VAT1L: variants seen among roughly 807,000 people sequenced by gnomAD.
The protein encoded by VAT1L is putative NADPH-dependent quinone oxidoreductase VAT1L.
A neutral mutation model predicts 44.1 loss-of-function variants in VAT1L; 34 were observed. The ratio of observed to expected loss-of-function variants is 0.77; its 90% CI spans 0.59 to 1.03. The LOEUF (loss-of-function observed/expected upper bound fraction) is 1.03. Ranked by LOEUF, VAT1L falls within the 50% of genes least tolerant of loss-of-function variation. The probability of loss-of-function intolerance (pLI) is 0.00; values close to 1 mark genes in which losing one functional copy is unlikely to be tolerated. For synonymous variants in VAT1L, 253 were observed against 202.2 expected (o/e 1.25, Z -2.13); for missense variants, 615 against 538.8 (o/e 1.14, Z -1.40).
intron 3 of VAT1L, among the ~76,000 whole-genome samples, chr16:77,828,216 C>G (rs983581846): frequency 6.6e-6 from 1 of 152,192 alleles, no homozygotes; most frequent in Non-Finnish European, 1.5e-5. Flanking sequence ...CATCACACTC[C>G]CCTGCAGGGA....
At chr16:77,883,318 A>G (rs1182855166) in intron 6 of VAT1L, among the ~76,000 whole-genome samples, 1 of 152,172 alleles carries the variant, frequency 6.6e-6, no homozygotes, top group Non-Finnish European at 1.5e-5. Flanking sequence ...AAGCAATTAA[A>G]TCATAACAAA....
At chr16:77,819,724 C>G (rs189509490) in intron 2 of VAT1L, among the ~76,000 whole-genome samples, 22 of 152,318 alleles carry the variant, frequency 1.4e-4, no homozygotes, top group Admixed American at 1.0e-3. Context: ...GTCTTCACCC[C>G]TTCCGGGGAT....
At chr16:77,918,847 C>G (rs1198761284) in intron 7 of VAT1L, among the ~76,000 whole-genome samples, 1 of 152,124 alleles carries the variant, frequency 6.6e-6, no homozygotes, top group Non-Finnish European at 1.5e-5. Flanking sequence ...AGCAGAACAC[C>G]CAGCCTAAGA....
chr16:77,963,186 C>CA (rs2018182278), intron 7 of VAT1L, among the ~76,000 whole-genome samples: 1 of 152,194 alleles, frequency 6.6e-6, no homozygotes, highest in African/African-American at 2.4e-5. Context: ...CCCACATCCT[C>CA]ATCCCCAGAA....
At chr16:77,910,144 C>T (rs926648661) in intron 7 of VAT1L, among the ~76,000 whole-genome samples, 2 of 152,214 alleles carry the variant, frequency 1.3e-5, no homozygotes, top group Non-Finnish European at 2.9e-5. Context: ...TGAAGTCCTA[C>T]TTGATTCCCT....
intron 2 of VAT1L, among the ~76,000 whole-genome samples, chr16:77,823,016 G>A (rs916234288): frequency 6.6e-6 from 1 of 152,076 alleles, no homozygotes; most frequent in African/African-American, 2.4e-5. Context: ...TCTGAATGGT[G>A]CCAAGATCAG....
At chr16:77,836,820 T>C (rs1032304951) in intron 3 of VAT1L, among the ~76,000 whole-genome samples, 2 of 152,242 alleles carry the variant, frequency 1.3e-5, no homozygotes, top group Non-Finnish European at 2.9e-5. Flanking sequence ...AACTTTATTA[T>C]AAATATCGTA....
chr16:77,869,402 T>A (rs1392803336), intron 4 of VAT1L, among the ~76,000 whole-genome samples: 1 of 152,172 alleles, frequency 6.6e-6, no homozygotes, highest in African/African-American at 2.4e-5. Context: ...AGGCTGGATG[T>A]GGTAGTTCAC....
At chr16:77,845,633 ATCATCCCCTTCCCCAG>A (rs2016751058) in intron 3 of VAT1L, among the ~76,000 whole-genome samples, 3 of 151,864 alleles carry the variant, frequency 2.0e-5, no homozygotes, top group Non-Finnish European at 4.4e-5. Context: ...ACCTCTCCTC[ATCATCCCCTTCCCCAG>A]TCGCTTTCTC....
chr16:77,947,205 G>A (rs370325539), intron 7 of VAT1L, among the ~76,000 whole-genome samples: 1 of 152,176 alleles, frequency 6.6e-6, no homozygotes, highest in African/African-American at 2.4e-5. Flanking sequence ...AACATAAGGA[G>A]GATTCCAGCG....
intron 7 of VAT1L, among the ~76,000 whole-genome samples, chr16:77,963,592 T>C (rs1175284465): frequency 6.6e-6 from 1 of 151,784 alleles, no homozygotes; most frequent in Non-Finnish European, 1.5e-5. Flanking sequence ...AGGAAACTGA[T>C]ACAAAACCTT....
At chr16:77,953,278 G>A (rs1245285527) in intron 7 of VAT1L, among the ~76,000 whole-genome samples, 1 of 152,170 alleles carries the variant, frequency 6.6e-6, no homozygotes, top group Non-Finnish European at 1.5e-5. Flanking sequence ...AATTTCTGTT[G>A]TTTCAAGCCA....
At chr16:77,873,195 G>A (rs1470007017) in intron 4 of VAT1L, among the ~76,000 whole-genome samples, 1 of 152,158 alleles carries the variant, frequency 6.6e-6, no homozygotes, top group Non-Finnish European at 1.5e-5. Context: ...TGGTGAAAAG[G>A]CCATCATCTC....
intron 7 of VAT1L, among the ~76,000 whole-genome samples, chr16:77,893,576 C>A (rs2017290632): frequency 6.6e-6 from 1 of 152,202 alleles, no homozygotes; most frequent in Non-Finnish European, 1.5e-5. Flanking sequence ...ACTACTACGA[C>A]TGCTACTACT....
intron 3 of VAT1L, 34 bp from the exon 4 acceptor site, chr16:77,862,714 T>C: frequency 5.0e-6 from 8 of 1,599,840 alleles, no homozygotes; most frequent in Non-Finnish European, 6.8e-6. Flanking sequence ...TGGTGGCTCC[T>C]ATGTGTGACA....
At chr16:77,882,343 A>G (rs2017163857) in intron 6 of VAT1L, 1 of 152,268 alleles carries the variant, frequency 6.6e-6, no homozygotes, top group African/African-American at 2.4e-5. Flanking sequence ...CTTTCACACC[A>G]TAACGATGAT....
At chr16:77,834,220 C>G (rs2016614521) in intron 3 of VAT1L, among the ~76,000 whole-genome samples, 1 of 152,148 alleles carries the variant, frequency 6.6e-6, no homozygotes, top group South Asian at 2.1e-4. Context: ...TCTCTGTCCA[C>G]TTTTCCTCTA....
At chr16:77,810,472 A>G (rs927065892) in intron 1 of VAT1L, among the ~76,000 whole-genome samples, 3 of 152,282 alleles carry the variant, frequency 2.0e-5, no homozygotes, top group South Asian at 2.1e-4. Flanking sequence ...GGAATCTCCA[A>G]AGTACTCAGA....
chr16:77,971,807 A>T, intron 7 of VAT1L, 43 bp from the exon 8 acceptor site: 1 of 1,589,472 alleles, frequency 6.3e-7, no homozygotes, highest in Non-Finnish European at 8.6e-7. Flanking sequence ...ACTGGGGAAC[A>T]TCTCGCCTAA....
Sources: gnomAD v4.1 joint callset for allele counts (sites outside exome capture counted in the v4.1 genomes callset) on GRCh38, gnomAD v4.1.1 for gene constraint, MANE v1.5 for transcripts, NCBI Gene and HGNC (gene_info 2026-07-23, HGNC 2026-07-21) for gene names.